The following KCNQ1OT1 variants were observed in gnomAD, a reference collection of about 807,000 sequenced individuals.
KCNQ1OT1 encodes KCNQ1 antisense RNA 2 (non-protein coding).
At chr11:2,672,529 C>T (rs1005152470) in exon 1 of KCNQ1OT1, 3 of 398,554 alleles carry the variant, frequency 7.5e-6, no homozygotes, top group Admixed American at 4.4e-5. Flanking sequence ...CTCTCCATTA[C>T]CAGCCTGTCT....
Position 2,678,915 on chromosome 11 carries a change from T to C in KCNQ1OT1, n.21080A>G. ...TTCGTATACATGTATGATCATACTTTCAGGGCATCTTGGAAAAACTGAATT... is the reference window on the plus strand; with the variant it reads ...TTCGTATACATGTATGATCATACTTCCAGGGCATCTTGGAAAAACTGAATT... On this transcript the variant is annotated non_coding_transcript_exon_variant, in exon 1 of 1. Transcript: ENST00000597346. The surrounding 1 kb of genome is among the most constrained non-coding windows in gnomAD (Gnocchi z 4.9). The C allele has an allele frequency of 2.5e-6, 1 of 398,614 alleles. No individual in the cohort carries two copies. Among genetic ancestry groups the C allele is most frequent in the Non-Finnish European group, 4.4e-6 (1 of 226,068 alleles). 24.7% of individuals were successfully genotyped at this position (398,614 alleles called of 1,614,324 possible).
In KCNQ1OT1 at chr11:2,648,852, CTAA is replaced by C. The variant is rs1221750779; in HGVS notation, n.51140_51142del. ...TGTATTGGGGTCTATCTCTTTAGCA[CTAA>C]TAATATTTGTTTAATATACCTGGGT... On this transcript the variant is annotated non_coding_transcript_exon_variant, in exon 1 of 1. Transcript: ENST00000597346. The C allele has an allele frequency of 2.5e-4, 100 of 398,348 alleles. 2 individuals carry two copies. In the East Asian group the frequency reaches 3.5e-3, roughly 14 times the overall value. 24.7% of individuals were successfully genotyped at this position (398,348 alleles called of 1,614,324 possible).
rs1849226919 is a variant in KCNQ1OT1 at position 2,624,308 on chromosome 11, T to C, written n.75687A>G. The stretch of plus-strand genomic sequence containing the variant: ...TATGTTTTTAAGGTTCTTTATATAT[T>C]TTGGATGAGTCCTTTATCAGGTATA... On this transcript the variant is annotated non_coding_transcript_exon_variant, in exon 1 of 1. Coordinates refer to ENST00000597346, the Ensembl canonical transcript of KCNQ1OT1. The surrounding 1 kb of genome is among the most constrained non-coding windows in gnomAD (Gnocchi z 4.9). 1.0e-5 allele frequency: 4 copies of C among 398,480 alleles called. No homozygotes were observed. The highest frequency in any genetic ancestry group is 1.8e-5 in the Non-Finnish European group (4 of 226,054). The allele number at this position is 398,480 out of a possible 1,614,324, so 24.7% of individuals were successfully genotyped here. A position where few individuals can be genotyped will look rare whatever the true frequency, so the allele number is the denominator to read the frequency against.
chr11:2,688,669 C>A (rs1288615600), exon 1 of KCNQ1OT1: 5 of 398,668 alleles, frequency 1.3e-5, no homozygotes, highest in Non-Finnish European at 2.2e-5. Context: ...CTGCTTCGTT[C>A]ATTTCCACAC....
rs1369815048 is a variant in KCNQ1OT1 at position 2,669,015 on chromosome 11, A to T, written n.30980T>A. On this transcript the variant is annotated non_coding_transcript_exon_variant, in exon 1 of 1. Transcript: ENST00000597346. This position sits in a 1 kb window ranked among gnomAD's most constrained non-coding sequence, Gnocchi z 5.6. Reference sequence around the variant, plus strand: ...CAAGGTCCACTCTTCCCCTACTTGGATATCCAGTCTAGCTCAGCACCCGGC... The same window carrying T: ...CAAGGTCCACTCTTCCCCTACTTGGTTATCCAGTCTAGCTCAGCACCCGGC... The T allele has an allele frequency of 5.0e-6, 2 of 398,478 alleles. No homozygotes were observed. Among genetic ancestry groups the T allele is most frequent in the Non-Finnish European group, 8.8e-6 (2 of 226,094 alleles). The allele number at this position is 398,478 out of a possible 1,614,324, so 24.7% of individuals were successfully genotyped here. A position where few individuals can be genotyped will look rare whatever the true frequency, so the allele number is the denominator to read the frequency against.
rs1344766771 is a variant in KCNQ1OT1, at chr11:2,608,618, C to T, written n.91377G>A. The T allele has an allele frequency of 6.8e-5, 27 of 398,422 alleles. No individual in the cohort carries two copies. The highest frequency in any genetic ancestry group is 1.1e-4 in the Non-Finnish European group (24 of 226,070). 24.7% of individuals were successfully genotyped at this position (398,422 alleles called of 1,614,324 possible). A position where few individuals can be genotyped will look rare whatever the true frequency, so the allele number is the denominator to read the frequency against. On this transcript the variant is annotated non_coding_transcript_exon_variant, in exon 1 of 1. Transcript: ENST00000597346. The surrounding 1 kb of genome is among the most constrained non-coding windows in gnomAD (Gnocchi z 4.6). Reference sequence around the variant, plus strand: ...AGCCTATGACAGGTGTGCACCACAACACCAGCTGTTATTCAAAAAATATTT... The same window carrying T: ...AGCCTATGACAGGTGTGCACCACAATACCAGCTGTTATTCAAAAAATATTT...
Position 2,695,185 on chromosome 11 carries a change from G to C in KCNQ1OT1, n.4810C>G. 1 of 398,622 alleles carries C rather than the reference G, an allele frequency of 2.5e-6. No individual in the cohort carries two copies. Among genetic ancestry groups the C allele is most frequent in the South Asian group, 1.3e-4 (1 of 7,860 alleles). The allele number at this position is 398,622 out of a possible 1,614,324, so 24.7% of individuals were successfully genotyped here. ...TGCACAGAGTTGATCACAGCCCTCA[G>C]CCTATGAAACACTGTCACCCTGTAA... is the stretch of plus-strand genomic sequence containing the variant. On this transcript the variant is annotated non_coding_transcript_exon_variant, in exon 1 of 1. Coordinates refer to ENST00000597346, the Ensembl canonical transcript of KCNQ1OT1. This position sits in a 1 kb window ranked among gnomAD's most constrained non-coding sequence, Gnocchi z 5.2.
At chr11:2,636,499 A>G (rs1450035616) in exon 1 of KCNQ1OT1, 7 of 152,040 alleles carry the variant, frequency 4.6e-5, no homozygotes, top group Non-Finnish European at 1.0e-4. Flanking sequence ...ATTGATTTGC[A>G]TATGTTGAAC....
At chr11:2,633,567 T>G (rs79596465) in exon 1 of KCNQ1OT1, 1 of 398,462 alleles carries the variant, frequency 2.5e-6, no homozygotes, top group Admixed American at 4.4e-5. Flanking sequence ...ATAGTATAGT[T>G]TCATTCTTCT....
At position 2,608,919 on chromosome 11, in the gene KCNQ1OT1, T is replaced by A. The variant is rs1287717518; in HGVS notation, n.91076A>T. The stretch of plus-strand genomic sequence containing the variant: ...TCCTCCCCCTCTTTCTTCCTCCCCT[T>A]CTTTTCTTCTCCCTCTCCCTCTCTC... On this transcript the variant is annotated non_coding_transcript_exon_variant, in exon 1 of 1. Transcript: ENST00000597346. The surrounding 1 kb of genome is among the most constrained non-coding windows in gnomAD (Gnocchi z 4.6). The A allele has an allele frequency of 5.0e-6, 2 of 398,370 alleles. No individual in the cohort carries two copies. Among genetic ancestry groups the A allele is most frequent in the Admixed American group, 8.8e-5 (2 of 22,698 alleles). The allele number at this position is 398,370 out of a possible 1,614,324, so 24.7% of individuals were successfully genotyped here.
At chr11:2,638,535 G>A (rs1020896744) in exon 1 of KCNQ1OT1, 12 of 152,232 alleles carry the variant, frequency 7.9e-5, no homozygotes, top group African/African-American at 1.7e-4. Context: ...AGTTTCTGCT[G>A]AGAGATCCGC....
At chr11:2,649,171 GTATCTATC>G (rs1297701063) in exon 1 of KCNQ1OT1, 31 of 397,872 alleles carry the variant, frequency 7.8e-5, no homozygotes, top group Non-Finnish European at 3.1e-5. Context: ...CATTTAGCCA[GTATCTATC>G]TTTCATTTGG....
exon 1 of KCNQ1OT1, chr11:2,693,818 C>T (rs1036535937): frequency 1.3e-5 from 5 of 398,716 alleles, no homozygotes; most frequent in East Asian, 1.1e-4. Flanking sequence ...ATAAAGGCAC[C>T]GGAAGGAAAG....
At chr11:2,625,692 C>A (rs1007751212) in exon 1 of KCNQ1OT1, 3 of 397,578 alleles carry the variant, frequency 7.5e-6, no homozygotes, top group African/African-American at 6.2e-5. Context: ...TCTCCTGCCT[C>A]CCGAGTAGCT....
chr11:2,624,619 TACAATTCAGTGA>T lies in KCNQ1OT1; in HGVS notation n.75364_75375del, dbSNP rs1849233266. On this transcript the variant is annotated non_coding_transcript_exon_variant, in exon 1 of 1. Transcript: ENST00000597346. This position sits in a 1 kb window ranked among gnomAD's most constrained non-coding sequence, Gnocchi z 4.9. ...ATTACCATCCTAACCAATTTTAGTG[TACAATTCAGTGA>T]ATGTATTAGATACGTTCACAATGCT... 1 of 398,468 alleles carries T rather than the reference TACAATTCAGTGA, an allele frequency of 2.5e-6. No individual in the cohort carries two copies. The highest frequency in any genetic ancestry group is 1.3e-4 in the South Asian group (1 of 7,860). The allele number at this position is 398,468 out of a possible 1,614,324, so 24.7% of individuals were successfully genotyped here. A position where few individuals can be genotyped will look rare whatever the true frequency, so the allele number is the denominator to read the frequency against.
In KCNQ1OT1 at chr11:2,661,994, T is replaced by C. The variant is rs767215260; in HGVS notation, n.38001A>G. The C allele has an allele frequency of 5.0e-6, 8 of 1,614,094 alleles. No individual in the cohort carries two copies. The highest frequency in any genetic ancestry group is 1.6e-4 in the Middle Eastern group (1 of 6,084). ...AGCCCAACACTGCTGGAAGTGAGCA[T>C]GCCCCATTTCATGAGAACCAACAGC... On this transcript the variant is annotated non_coding_transcript_exon_variant, in exon 1 of 1. Transcript: ENST00000597346. This position sits in a 1 kb window ranked among gnomAD's most constrained non-coding sequence, Gnocchi z 5.9.
exon 1 of KCNQ1OT1, chr11:2,625,637 G>A: frequency 2.5e-6 from 1 of 394,192 alleles, no homozygotes; most frequent in African/African-American, 2.1e-5. Context: ...GTGCAGTGGT[G>A]CCATCTCGGC....
At chr11:2,667,075 G>T (rs1038550841) in exon 1 of KCNQ1OT1, 17 of 398,558 alleles carry the variant, frequency 4.3e-5, no homozygotes, top group African/African-American at 3.1e-4. Context: ...TGCACGGGGG[G>T]ATTAAATGTT....
exon 1 of KCNQ1OT1, chr11:2,655,849 A>T: frequency 5.0e-6 from 2 of 398,668 alleles, no homozygotes; most frequent in Non-Finnish European, 8.8e-6. Flanking sequence ...CTCCTCTTGA[A>T]TTGGAAAAAC....
Sources: gnomAD v4.1 joint callset for allele counts on GRCh38, gnomAD v4.1.1 for gene constraint, Gnocchi (gnomAD v3.1) non-coding constraint, MANE v1.5 for transcripts, NCBI Gene and HGNC (gene_info 2026-07-23, HGNC 2026-07-21) for gene names.